Variants in RAB39A observed in about 807,000 individuals in gnomAD.
The protein encoded by RAB39A is RAB39A, member RAS oncogene family.
In RAB39A, 17 loss-of-function variants were observed where a neutral mutation model predicts 20.9. The observed-to-expected ratio is 0.81, with a 90% CI of 0.56 to 1.22. The LOEUF is 1.22. Among genes scored for constraint, RAB39A ranks in the 50% most tolerant of loss-of-function variants. The pLI, the probability that RAB39A is intolerant of heterozygous loss-of-function variation, is 0.00. For missense variants in RAB39A, 234 were observed against 270.5 expected, an observed-to-expected ratio of 0.87 and a Z score of 0.95; for synonymous variants, 99 against 103.4, an observed-to-expected ratio of 0.96 and a Z score of 0.26.
At chr11:107,935,696 A>G (rs1312211288) in intron 1 of RAB39A, among the ~76,000 whole-genome samples, 1 of 151,756 alleles carries the variant, frequency 6.6e-6, no homozygotes, top group Non-Finnish European at 1.5e-5. Context: ...TAATTTTCTT[A>G]ATTACCACAT....
intron 1 of RAB39A, among the ~76,000 whole-genome samples, chr11:107,942,014 G>A (rs577431797): frequency 1.8e-3 from 259 of 145,938 alleles, no homozygotes; most frequent in African/African-American, 6.3e-3. Flanking sequence ...CAGGAGAATC[G>A]CTTAAACCTG....
At chr11:107,933,313 ATGTGTGTGTGTGTGTG>A (rs60670768) in intron 1 of RAB39A, among the ~76,000 whole-genome samples, 9 of 125,344 alleles carry the variant, frequency 7.2e-5, no homozygotes, top group Non-Finnish European at 9.5e-5. Context: ...ATATATATAT[ATGTGTGTGTGTGTGTG>A]TGTGTGTGTG....
chr11:107,945,793 T>TA (rs111522072), intron 1 of RAB39A, among the ~76,000 whole-genome samples: 4 of 152,336 alleles, frequency 2.6e-5, no homozygotes, highest in African/African-American at 9.6e-5. Context: ...TGGAAACTTA[T>TA]TCTTTGAAAA....
chr11:107,931,040 G>A (rs1168086212), intron 1 of RAB39A, among the ~76,000 whole-genome samples: 6 of 149,244 alleles, frequency 4.0e-5, no homozygotes, highest in African/African-American at 1.5e-4. Flanking sequence ...GCAATGGCGC[G>A]ATCTCTGCTC....
Position 107,935,900 on chromosome 11 carries a change from C to CT in RAB39A, c.227+7130dup, listed in dbSNP as rs561399074. 3.6e-3 allele frequency among the ~76,000 whole-genome samples: 297 copies of CT among 81,558 alleles called. 7 individuals are homozygous for CT. Among genetic ancestry groups the CT allele is most frequent in the African/African-American group, 6.8e-3 (145 of 21,384 alleles). The allele number at this position is 81,558 out of a possible 152,430, so 53.5% of individuals were successfully genotyped here. ...AACGCAGCCCAGCAAGTCCTGGCCA[C>CT]TTTTTTTTTTTTTTTTTTTTTTTTT... On this transcript the variant is annotated intron_variant, in intron 1 of 1. Coordinates refer to ENST00000320578, the MANE Select transcript of RAB39A (RefSeq NM_017516.3).
intron 1 of RAB39A, 35 bp from the exon 2 acceptor site, chr11:107,961,911 G>A (rs374766991): frequency 8.0e-6 from 12 of 1,505,954 alleles, no homozygotes; most frequent in Non-Finnish European, 1.1e-5. Flanking sequence ...AGAACAAGTT[G>A]TCCTTATACA....
chr11:107,930,396 C>T (rs939904748), intron 1 of RAB39A, among the ~76,000 whole-genome samples: 2 of 152,066 alleles, frequency 1.3e-5, no homozygotes, highest in Non-Finnish European at 2.9e-5. Context: ...GTAAACTTTG[C>T]GATATATCAG....
rs754295148 is a variant in RAB39A at position 107,928,813 on chromosome 11, C to G, written c.227+18C>G. 6.7e-6 allele frequency: 10 copies of G among 1,497,572 alleles called. No homozygotes were observed. Among genetic ancestry groups the G allele is most frequent in the Non-Finnish European group, 8.1e-6 (9 of 1,109,806 alleles). 92.8% of individuals were successfully genotyped at this position (1,497,572 alleles called of 1,614,324 possible). A position where few individuals can be genotyped will look rare whatever the true frequency, so the allele number is the denominator to read the frequency against. ...CGGTTCAGGTAGGGACCCCGGGGAC[C>G]TTGGGCACCGCGCCGCCCCCTCAGC... On this transcript the variant is annotated intron_variant, in intron 1 of 1. Transcript: ENST00000320578. The surrounding 1 kb of genome is among the most constrained non-coding windows in gnomAD (Gnocchi z 4.9).
intron 1 of RAB39A, among the ~76,000 whole-genome samples, chr11:107,949,830 G>T (rs533219482): frequency 6.6e-6 from 1 of 152,124 alleles, no homozygotes; most frequent in Non-Finnish European, 1.5e-5. Context: ...CCACTGCAAA[G>T]TACGATTTAA....
intron 1 of RAB39A, among the ~76,000 whole-genome samples, chr11:107,943,196 G>A (rs1377850206): frequency 6.6e-6 from 1 of 152,122 alleles, no homozygotes; most frequent in African/African-American, 2.4e-5. Flanking sequence ...TGAATGTGAT[G>A]TTCTAAAGCT....
rs1368813502 is a variant in RAB39A, at chr11:107,928,465, G to C, written c.-104G>C. Reference sequence around the variant, plus strand: ...GCGGCCGCAGCCGCAGGAATATGCTGGAAGGCGGCGGGCGGGCGCCCGCGA... The same window carrying C: ...GCGGCCGCAGCCGCAGGAATATGCTCGAAGGCGGCGGGCGGGCGCCCGCGA... On this transcript the variant is annotated 5_prime_UTR_variant, in exon 1 of 2. Transcript: ENST00000320578. This position sits in a 1 kb window ranked among gnomAD's most constrained non-coding sequence, Gnocchi z 4.9. 1 of 845,062 alleles carries C rather than the reference G, an allele frequency of 1.2e-6. No individual in the cohort carries two copies. The highest frequency in any genetic ancestry group is 3.3e-5 in the East Asian group (1 of 30,742). 52.3% of individuals were successfully genotyped at this position (845,062 alleles called of 1,614,324 possible).
At chr11:107,932,464 C>G (rs1477591339) in intron 1 of RAB39A, among the ~76,000 whole-genome samples, 1 of 152,164 alleles carries the variant, frequency 6.6e-6, no homozygotes, top group East Asian at 1.9e-4. Flanking sequence ...TCTACATGAG[C>G]AAAGCTGGGT....
chr11:107,941,793 A>T (rs909908485), intron 1 of RAB39A, among the ~76,000 whole-genome samples: 4 of 152,142 alleles, frequency 2.6e-5, no homozygotes, highest in African/African-American at 9.7e-5. Flanking sequence ...ATAGGAGGGG[A>T]AATTTAAGAC....
At chr11:107,948,337 G>A (rs1031573365) in intron 1 of RAB39A, among the ~76,000 whole-genome samples, 3 of 152,084 alleles carry the variant, frequency 2.0e-5, no homozygotes, top group East Asian at 1.9e-4. Context: ...TTTAGTGTTC[G>A]TATCTAATGC....
At chr11:107,954,719 G>A (rs1297219302) in intron 1 of RAB39A, among the ~76,000 whole-genome samples, 1 of 152,174 alleles carries the variant, frequency 6.6e-6, no homozygotes, top group Non-Finnish European at 1.5e-5. Context: ...TGAGTTGAGA[G>A]GGTGCTGTAA....
chr11:107,932,083 A>C (rs1861143862), intron 1 of RAB39A, among the ~76,000 whole-genome samples: 1 of 151,868 alleles, frequency 6.6e-6, no homozygotes, highest in South Asian at 2.1e-4. Context: ...GGTTGGTCTG[A>C]AACTCCTGGG....
chr11:107,958,528 A>C (rs529763826), intron 1 of RAB39A, among the ~76,000 whole-genome samples: 3 of 152,190 alleles, frequency 2.0e-5, no homozygotes, highest in Non-Finnish European at 4.4e-5. Context: ...CAATTGTTTT[A>C]GGAAAAACAC....
intron 1 of RAB39A, among the ~76,000 whole-genome samples, chr11:107,933,584 C>T (rs1486393758): frequency 1.3e-5 from 2 of 151,356 alleles, no homozygotes. Context: ...TTTCATCAAG[C>T]TGGTCTCGAA....
intron 1 of RAB39A, among the ~76,000 whole-genome samples, chr11:107,946,058 A>G (rs1014550439): frequency 2.6e-5 from 4 of 152,008 alleles, no homozygotes; most frequent in Admixed American, 1.3e-4. Context: ...AGTTTGCTGA[A>G]TTAAATGGTC....
Sources: allele counts gnomAD v4.1 joint callset (sites outside exome capture counted in the v4.1 genomes callset), GRCh38; gene constraint gnomAD v4.1.1; non-coding constraint Gnocchi (gnomAD v3.1); transcripts MANE v1.5; gene names NCBI Gene and HGNC (gene_info 2026-07-23, HGNC 2026-07-21).